EYS: variants seen among roughly 807,000 people sequenced by gnomAD.
The protein encoded by EYS is EGF-like photoreceptor maintenance factor.
EYS carries 250 observed loss-of-function variants against 282.1 expected under a neutral mutation model. That is an observed-to-expected ratio of 0.89 (90% confidence interval 0.80 to 0.98). The LOEUF is 0.98. Among genes scored for constraint, EYS ranks in the 50% least tolerant of loss-of-function variants. The probability of loss-of-function intolerance (pLI) is 0.00; values close to 1 mark genes in which losing one functional copy is unlikely to be tolerated. For synonymous variants in EYS, 1,355 were observed against 1,282.9 expected (o/e 1.06, Z -1.20); for missense variants, 4,016 against 3,709.0 (o/e 1.08, Z -2.15).
At chr6:64,155,165 T>C (rs1774875461) in intron 31 of EYS, among the ~76,000 whole-genome samples, 1 of 152,158 alleles carries the variant, frequency 6.6e-6, no homozygotes, top group African/African-American at 2.4e-5. Flanking sequence ...TGCCTTGGGC[T>C]AGCCCTGGAG....
intron 41 of EYS, among the ~76,000 whole-genome samples, chr6:63,751,265 C>T (rs901343349): frequency 6.6e-6 from 1 of 152,002 alleles, no homozygotes; most frequent in Non-Finnish European, 1.5e-5. Context: ...TTTGTTCTTA[C>T]CAAATTGCAG....
chr6:64,008,998 T>G (rs1768478394), intron 33 of EYS, among the ~76,000 whole-genome samples: 1 of 152,174 alleles, frequency 6.6e-6, no homozygotes, highest in South Asian at 2.1e-4. Context: ...TTTCCTGAAT[T>G]TGAATGTTGG....
chr6:64,426,999 A>G (rs1378428127), intron 28 of EYS, among the ~76,000 whole-genome samples: 3 of 152,158 alleles, frequency 2.0e-5, no homozygotes, highest in Non-Finnish European at 4.4e-5. Flanking sequence ...CTAAAAAAAA[A>G]CTAGATCATT....
chr6:64,116,762 G>C (rs1238851046), intron 31 of EYS, among the ~76,000 whole-genome samples: 1 of 152,064 alleles, frequency 6.6e-6, no homozygotes, highest in Non-Finnish European at 1.5e-5. Context: ...GAAAGTAAGA[G>C]CAGAGGTGTT....
intron 37 of EYS, among the ~76,000 whole-genome samples, chr6:63,793,202 T>G (rs1770560744): frequency 6.6e-6 from 1 of 152,186 alleles, no homozygotes; most frequent in African/African-American, 2.4e-5. Flanking sequence ...CTACTACTTT[T>G]CTGTATTAGC....
intron 26 of EYS, among the ~76,000 whole-genome samples, chr6:64,499,743 G>A (rs1776983351): frequency 6.6e-6 from 1 of 151,868 alleles, no homozygotes; most frequent in Admixed American, 6.6e-5. Context: ...TTATCAAAAT[G>A]TTCATGTCTC....
chr6:65,083,815 GTATAA>G (rs1774290237), intron 12 of EYS, among the ~76,000 whole-genome samples: 1 of 151,292 alleles, frequency 6.6e-6, no homozygotes, highest in African/African-American at 2.4e-5. Context: ...TTTTATATTT[GTATAA>G]TATATGATAC....
chr6:65,231,635 G>T (rs573794777), intron 12 of EYS, among the ~76,000 whole-genome samples: 60 of 151,686 alleles, frequency 4.0e-4, no homozygotes, highest in African/African-American at 1.4e-3. Flanking sequence ...GAAAGTTATA[G>T]GTACAGGCAA....
At chr6:63,802,057 AT>A (rs1770794536) in intron 37 of EYS, among the ~76,000 whole-genome samples, 1 of 152,226 alleles carries the variant, frequency 6.6e-6, no homozygotes, top group Non-Finnish European at 1.5e-5. Context: ...TACTACTATA[AT>A]AACATTGACT....
chr6:64,807,219 T>C (rs1207909099), intron 22 of EYS, among the ~76,000 whole-genome samples: 1 of 152,092 alleles, frequency 6.6e-6, no homozygotes, highest in Non-Finnish European at 1.5e-5. Context: ...ATATTTCTTC[T>C]CTTTTTACCA....
chr6:65,159,978 A>G (rs1764814418), intron 12 of EYS, among the ~76,000 whole-genome samples: 1 of 151,090 alleles, frequency 6.6e-6, no homozygotes, highest in African/African-American at 2.4e-5. Flanking sequence ...TTGATGGGAC[A>G]TGGGAAATGA....
chr6:64,695,391 T>C (rs73440882), intron 22 of EYS, among the ~76,000 whole-genome samples: 2,456 of 152,124 alleles, frequency 0.016, 69 homozygotes, highest in African/African-American at 0.056. Flanking sequence ...GATCTTCTGC[T>C]ACCTTCATTG....
At chr6:65,674,761 G>A (rs768561114) in intron 1 of EYS, among the ~76,000 whole-genome samples, 1 of 151,792 alleles carries the variant, frequency 6.6e-6, no homozygotes, top group Non-Finnish European at 1.5e-5. Flanking sequence ...ACAAAAGAAT[G>A]CTAGATAGCA....
intron 26 of EYS, among the ~76,000 whole-genome samples, chr6:64,450,963 C>A (rs1240595248): frequency 6.6e-6 from 1 of 152,040 alleles, no homozygotes; most frequent in African/African-American, 2.4e-5. Flanking sequence ...GAAGCAAGAG[C>A]AAACACATTC....
At position 65,408,751 on chromosome 6, in the gene EYS, C is replaced by T. The variant is rs562508461; in HGVS notation, c.863-3384G>A. 1.6e-4 allele frequency among the ~76,000 whole-genome samples: 24 copies of T among 152,140 alleles called. No individual in the cohort carries two copies. In the South Asian group the frequency reaches 4.6e-3, roughly 29 times the overall value. ...CTTACTGTCCTCTTTTGTTTGTATG[C>T]TTTGCATTTAATGTGGTTTTTTTCC... On this transcript the variant is annotated intron_variant, in intron 5 of 42. Transcript: ENST00000503581.
chr6:63,905,846 G>A (rs1286943524), intron 35 of EYS, among the ~76,000 whole-genome samples: 1 of 151,940 alleles, frequency 6.6e-6, no homozygotes, highest in African/African-American at 2.4e-5. Context: ...TTTTGTGTCA[G>A]TTGTCTCTCC....
rs568168376 is a variant in EYS, at chr6:64,013,291, C to T, written c.6726-14108G>A. 5.9e-5 allele frequency among the ~76,000 whole-genome samples: 9 copies of T among 152,262 alleles called. No homozygotes were observed. The East Asian group carries it at 1.3e-3, about 23-fold the overall frequency. ...TATCCAATTCACGTGCAATGGGACT[C>T]GCAGCATATTCTCTAGATTTCATGG... On this transcript the variant is annotated intron_variant, in intron 33 of 42. Transcript: ENST00000503581.
At chr6:64,617,594 TA>T (rs1767314451) in intron 23 of EYS, 61 bp from the exon 24 acceptor site, 3 of 891,288 alleles carry the variant, frequency 3.4e-6, no homozygotes, top group Middle Eastern at 2.1e-4. Context: ...ACAGTTATGC[TA>T]ATAGCCTATA....
At chr6:65,085,001 G>A (rs1364063886) in intron 12 of EYS, among the ~76,000 whole-genome samples, 1 of 152,058 alleles carries the variant, frequency 6.6e-6, no homozygotes, top group Non-Finnish European at 1.5e-5. Context: ...TGAATTGTTA[G>A]AATTCTGAGA....
Sources: allele counts gnomAD v4.1 joint callset (sites outside exome capture counted in the v4.1 genomes callset), GRCh38; gene constraint gnomAD v4.1.1; transcripts MANE v1.5; gene names NCBI Gene and HGNC (gene_info 2026-07-23, HGNC 2026-07-21).